Variants in NUGGC observed in about 807,000 individuals in gnomAD.
The protein encoded by NUGGC is nuclear GTPase, germinal center associated, also known as nuclear GTPase SLIP-GC.
Under a neutral mutation model 92.6 loss-of-function variants are expected in NUGGC, and 58 were observed. That is an observed-to-expected ratio of 0.63 (90% CI 0.51 to 0.78). The LOEUF is 0.78. Among genes scored for constraint, NUGGC ranks in the 30% least tolerant of loss-of-function variants. The pLI is 0.00. For synonymous variants in NUGGC, 376 were observed against 366.4 expected, an observed-to-expected ratio of 1.03 and a Z score of -0.30; for missense variants, 925 against 964.6, an observed-to-expected ratio of 0.96 and a Z score of 0.54.
intron 11 of NUGGC, among the ~76,000 whole-genome samples, chr8:28,046,821 C>T (rs1209615049): frequency 1.3e-5 from 2 of 149,732 alleles, no homozygotes; most frequent in Non-Finnish European, 3.0e-5. Context: ...GCTGGCACCA[C>T]CACGTCCGGC....
At chr8:28,026,887 T>C in intron 18 of NUGGC, 75 bp downstream of exon 18, 1 of 1,027,582 alleles carries the variant, frequency 9.7e-7, no homozygotes, top group Non-Finnish European at 1.5e-6. Flanking sequence ...TTAATACCTT[T>C]AAATTCAGGA....
Position 28,033,668 on chromosome 8 carries a change from C to G in NUGGC, c.1641G>C (p.Gln547His). The change falls in exon 14 of 19, where the codon CAG (glutamine) becomes CAC (histidine). Residue 547 changes from glutamine to histidine, a missense_variant. By Grantham distance (24) the Gln-to-His change is conservative. Coordinates refer to ENST00000413272, the MANE Select transcript of NUGGC (RefSeq NM_001010906.2). ...TTTTCAGGCAAACAGCTTTCAGGGTCTGATGAAAACCTTGGTTTCCTTTAC... is the reference window on the plus strand; with the variant it reads ...TTTTCAGGCAAACAGCTTTCAGGGTGTGATGAAAACCTTGGTTTCCTTTAC... ...VRSKGNQGFH[Q>H]TLKAVCLKNG... The G allele has an allele frequency of 6.2e-7, 1 of 1,613,934 alleles. No homozygotes were observed. Among genetic ancestry groups the G allele is most frequent in the Non-Finnish European group, 8.5e-7 (1 of 1,179,866 alleles).
intron 10 of NUGGC, among the ~76,000 whole-genome samples, 157 bp from the exon 11 acceptor site, chr8:28,047,769 G>A (rs1252353776): frequency 6.6e-6 from 1 of 152,214 alleles, no homozygotes; most frequent in Non-Finnish European, 1.5e-5. Context: ...AATGTCTGGT[G>A]TTGCCATCTG....
At chr8:28,075,899 C>G (rs1810710057) in intron 1 of NUGGC, among the ~76,000 whole-genome samples, 1 of 152,194 alleles carries the variant, frequency 6.6e-6, no homozygotes, top group African/African-American at 2.4e-5. Context: ...ACACTCCTTA[C>G]AGTTCTCCAA....
chr8:28,023,966 G>T (rs6990669), intron 18 of NUGGC, among the ~76,000 whole-genome samples: 1 of 152,268 alleles, frequency 6.6e-6, no homozygotes, highest in South Asian at 2.1e-4. Flanking sequence ...ACGTGAGTCT[G>T]GATGCCTCTG....
chr8:28,050,610 A>G (rs1300648384), intron 10 of NUGGC, among the ~76,000 whole-genome samples: 1 of 152,124 alleles, frequency 6.6e-6, no homozygotes, highest in African/African-American at 2.4e-5. Context: ...CAGGAGTTCG[A>G]GACCAGCCTG....
intron 9 of NUGGC, 52 bp from the exon 10 acceptor site, chr8:28,056,106 G>T: frequency 9.8e-7 from 1 of 1,017,104 alleles, no homozygotes; most frequent in Non-Finnish European, 1.5e-6. Context: ...TATCAACAGT[G>T]ATGAGGTGGC....
At chr8:28,071,961 G>A (rs1336067436) in intron 2 of NUGGC, among the ~76,000 whole-genome samples, 2 of 152,146 alleles carry the variant, frequency 1.3e-5, no homozygotes, top group Admixed American at 1.3e-4. Flanking sequence ...AAGAACGGCA[G>A]CCCACACAGA....
At chr8:28,044,802 C>T (rs966206385) in intron 12 of NUGGC, among the ~76,000 whole-genome samples, 5 of 152,222 alleles carry the variant, frequency 3.3e-5, no homozygotes, top group Middle Eastern at 3.4e-3. Flanking sequence ...TTTTTACACA[C>T]GGTCCAGCAA....
chr8:28,074,800 G>A (rs1236159334), intron 1 of NUGGC, among the ~76,000 whole-genome samples: 7 of 152,166 alleles, frequency 4.6e-5, no homozygotes, highest in Non-Finnish European at 8.8e-5. Flanking sequence ...TTAGCCAGGC[G>A]TGGTGGTGGG....
At chr8:28,082,847 A>G (rs1363009957) in intron 1 of NUGGC, among the ~76,000 whole-genome samples, 2 of 152,212 alleles carry the variant, frequency 1.3e-5, no homozygotes, top group Non-Finnish European at 2.9e-5. Flanking sequence ...TGAAGATTAC[A>G]GTGAGCCATG....
intron 10 of NUGGC, among the ~76,000 whole-genome samples, chr8:28,049,919 C>A (rs1318338538): frequency 6.6e-6 from 1 of 152,040 alleles, no homozygotes; most frequent in Non-Finnish European, 1.5e-5. Flanking sequence ...AACCCCGTCT[C>A]TACTAAAAAT....
rs556138693 is a variant in NUGGC at position 28,068,127 on chromosome 8, GAAGA to G, written c.480+85_480+88del. The G allele has an allele frequency of 1.5e-3, 1,125 of 740,630 alleles. 5 individuals are homozygous for G. In the African/African-American group the frequency reaches 0.016, roughly 10 times the overall value. 45.9% of individuals were successfully genotyped at this position (740,630 alleles called of 1,614,324 possible). A position where few individuals can be genotyped will look rare whatever the true frequency, so the allele number is the denominator to read the frequency against. On this transcript the variant is annotated intron_variant, in intron 5 of 18. Coordinates refer to ENST00000413272, the MANE Select transcript of NUGGC (RefSeq NM_001010906.2). ...AGAGAGGGAGGGAAGAGGAAGGAAG[GAAGA>G]AAGAAAGGAAGGAGGGAACGAAAAA...
At chr8:28,057,330 C>CTTTTTTTTTTTTTTTTT (rs57167648) in intron 9 of NUGGC, among the ~76,000 whole-genome samples, 8 of 124,022 alleles carry the variant, frequency 6.5e-5, no homozygotes, top group African/African-American at 9.3e-5. Context: ...ATTTTCTTTC[C>CTTTTTTTTTTTTTTTTT]TTTTTTTTTT....
intron 16 of NUGGC, among the ~76,000 whole-genome samples, chr8:28,029,691 G>A (rs974730757): frequency 6.6e-6 from 1 of 152,122 alleles, no homozygotes; most frequent in Non-Finnish European, 1.5e-5. Flanking sequence ...GGAGGTTGGA[G>A]TGAGCTGAGA....
chr8:28,071,769 G>A (rs1810596128), intron 2 of NUGGC, among the ~76,000 whole-genome samples: 1 of 152,158 alleles, frequency 6.6e-6, no homozygotes. Context: ...GGTGAAGGTT[G>A]TTGAAAATGG....
At chr8:28,032,266 G>A (rs953767012) in intron 14 of NUGGC, among the ~76,000 whole-genome samples, 6 of 152,174 alleles carry the variant, frequency 3.9e-5, no homozygotes, top group Non-Finnish European at 5.9e-5. Context: ...AGAAAGGTGG[G>A]GCAGGGATGG....
At chr8:28,081,859 C>A (rs1482075453) in intron 1 of NUGGC, among the ~76,000 whole-genome samples, 1 of 147,618 alleles carries the variant, frequency 6.8e-6, no homozygotes. Flanking sequence ...GCCTGGGCAA[C>A]AGAGTGAGAC....
At chr8:28,075,356 G>T (rs1359558517) in intron 1 of NUGGC, among the ~76,000 whole-genome samples, 1 of 152,138 alleles carries the variant, frequency 6.6e-6, no homozygotes, top group Admixed American at 6.5e-5. Flanking sequence ...AGAAGGGGCA[G>T]ATCCAGTTGG....
Sources: allele counts gnomAD v4.1 joint callset (sites outside exome capture counted in the v4.1 genomes callset), GRCh38; gene constraint gnomAD v4.1.1; transcripts MANE v1.5; gene names NCBI Gene and HGNC (gene_info 2026-07-23, HGNC 2026-07-21).